Variants in NRCAM observed in about 807,000 individuals in gnomAD.
The protein encoded by NRCAM is neuronal cell adhesion molecule, also known as NgCAM-related cell adhesion molecule.
Under a neutral mutation model 156.5 loss-of-function variants are expected in NRCAM, and 83 were observed. The observed-to-expected ratio is 0.53, with a 90% CI of 0.44 to 0.64. NRCAM has a LOEUF of 0.64. Ranked by LOEUF, NRCAM falls within the 30% of genes least tolerant of loss-of-function variation. The pLI is 0.00. For synonymous variants in NRCAM, 538 were observed against 563.9 expected (o/e 0.95, Z 0.65); for missense variants, 1,417 against 1,597.3 (o/e 0.89, Z 1.92).
chr7:108,191,266 C>G lies in NRCAM; in HGVS notation c.1921G>C (p.Ala641Pro), dbSNP rs532349077. 6 of 1,605,014 alleles carry G rather than the reference C, an allele frequency of 3.7e-6. No individual in the cohort carries two copies. The East Asian group carries it at 1.3e-4, about 36-fold the overall frequency. Reference protein sequence around the residue: ...LSVVAPTPTPAPVYDVPNPPF... With the variant: ...LSVVAPTPTPPPVYDVPNPPF... ...CATATTAGTTTACCGTAAACGGGAG[C>G]TGGAGTTGGAGTAGGAGCTAGAAAG... The change falls in exon 19 of 33, where the codon GCT becomes CCT. Residue 641 changes from alanine to proline, a missense_variant. Coordinates refer to ENST00000379028, the MANE Select transcript of NRCAM (RefSeq NM_001037132.4).
intron 8 of NRCAM, 29 bp downstream of exon 8, chr7:108,230,998 TAAAG>T (rs775203718): frequency 2.0e-6 from 3 of 1,528,982 alleles, no homozygotes; most frequent in South Asian, 2.3e-5. Flanking sequence ...CTAAGACTTT[TAAAG>T]AAAGAAAGTT....
chr7:108,297,844 G>C (rs950133596), intron 3 of NRCAM, among the ~76,000 whole-genome samples: 40 of 152,194 alleles, frequency 2.6e-4, no homozygotes, highest in African/African-American at 9.7e-4. Context: ...TCTTGCCACA[G>C]GTTCAGGAAA....
intron 28 of NRCAM, among the ~76,000 whole-genome samples, chr7:108,168,621 T>C (rs2056460553): frequency 6.6e-6 from 1 of 152,192 alleles, no homozygotes; most frequent in African/African-American, 2.4e-5. Context: ...TGACGCATAA[T>C]ATTAAAATTT....
At chr7:108,215,654 A>G (rs2087950729) in intron 11 of NRCAM, among the ~76,000 whole-genome samples, 1 of 150,512 alleles carries the variant, frequency 6.6e-6, no homozygotes, top group Non-Finnish European at 1.5e-5. Flanking sequence ...TCCCTTTACC[A>G]TTATGTAATA....
chr7:108,162,383 T>A (rs2049692588), intron 30 of NRCAM, among the ~76,000 whole-genome samples: 1 of 152,252 alleles, frequency 6.6e-6, no homozygotes, highest in South Asian at 2.1e-4. Context: ...TCTGTGCTTT[T>A]TCTTCAAAAC....
At chr7:108,154,876 C>T (rs6466219) in intron 32 of NRCAM, among the ~76,000 whole-genome samples, 24,191 of 151,732 alleles carry the variant, frequency 0.16, 2,563 homozygotes, top group African/African-American at 0.31. Flanking sequence ...AACACACACG[C>T]GGAACTTTCC....
At chr7:108,377,833 C>T (rs990115333) in intron 2 of NRCAM, among the ~76,000 whole-genome samples, 1 of 152,092 alleles carries the variant, frequency 6.6e-6, no homozygotes, top group African/African-American at 2.4e-5. Context: ...AAAAGAATAG[C>T]TAAGCTATAA....
Position 108,450,570 on chromosome 7 carries a change from T to C in NRCAM, c.-332+5673A>G, listed in dbSNP as rs534470573. On this transcript the variant is annotated intron_variant, in intron 1 of 32. Coordinates refer to ENST00000379028, the MANE Select transcript of NRCAM (RefSeq NM_001037132.4). Reference sequence around the variant, plus strand: ...TTCTATTTTCAGATATGAGGCAAATTTGCTCTTGTTCTAGATTAAAATAAT... The same window carrying C: ...TTCTATTTTCAGATATGAGGCAAATCTGCTCTTGTTCTAGATTAAAATAAT... 2.0e-5 allele frequency among the ~76,000 whole-genome samples: 3 copies of C among 152,232 alleles called. No individual in the cohort carries two copies. In the South Asian group the frequency reaches 6.2e-4, roughly 32 times the overall value.
At chr7:108,321,176 A>G (rs2098996840) in intron 2 of NRCAM, among the ~76,000 whole-genome samples, 1 of 152,226 alleles carries the variant, frequency 6.6e-6, no homozygotes, top group Non-Finnish European at 1.5e-5. Flanking sequence ...CACTACATTA[A>G]GAATTCAATG....
At chr7:108,346,340 T>C (rs1221174188) in intron 2 of NRCAM, among the ~76,000 whole-genome samples, 5 of 152,212 alleles carry the variant, frequency 3.3e-5, no homozygotes, top group African/African-American at 1.2e-4. Flanking sequence ...CAGGGCTCTT[T>C]TTCCTCCCAA....
intron 3 of NRCAM, among the ~76,000 whole-genome samples, chr7:108,257,887 C>T (rs755176320): frequency 2.6e-5 from 4 of 151,962 alleles, no homozygotes; most frequent in African/African-American, 4.8e-5. Context: ...CAGATGAGAG[C>T]GTTCACACCC....
At chr7:108,196,810 A>T (rs890720824) in intron 14 of NRCAM, among the ~76,000 whole-genome samples, 5 of 152,242 alleles carry the variant, frequency 3.3e-5, no homozygotes, top group African/African-American at 1.2e-4. Context: ...CATTAAAAAT[A>T]CAACTACCAT....
At chr7:108,331,631 T>C (rs2099128188) in intron 2 of NRCAM, among the ~76,000 whole-genome samples, 1 of 152,194 alleles carries the variant, frequency 6.6e-6, no homozygotes, top group African/African-American at 2.4e-5. Flanking sequence ...GCCTGGCACA[T>C]AGCAGATGCT....
chr7:108,230,273 T>A (rs982468620), intron 8 of NRCAM, among the ~76,000 whole-genome samples: 1 of 143,154 alleles, frequency 7.0e-6, no homozygotes, highest in African/African-American at 2.6e-5. Flanking sequence ...CCTCAAAATA[T>A]ATCCAGAATC....
intron 3 of NRCAM, among the ~76,000 whole-genome samples, chr7:108,281,374 G>C (rs985480870): frequency 1.3e-5 from 2 of 152,112 alleles, no homozygotes; most frequent in African/African-American, 4.8e-5. Context: ...AAAAAGTTCC[G>C]TGTATAGTAG....
At chr7:108,201,187 A>AG (rs1205985592) in intron 13 of NRCAM, among the ~76,000 whole-genome samples, 1 of 151,854 alleles carries the variant, frequency 6.6e-6, no homozygotes, top group African/African-American at 2.4e-5. Flanking sequence ...AAAAAAAAAA[A>AG]AAAAAGAAAA....
At chr7:108,233,847 G>T (rs79973530) in intron 6 of NRCAM, among the ~76,000 whole-genome samples, 2 of 152,140 alleles carry the variant, frequency 1.3e-5, no homozygotes, top group Admixed American at 1.3e-4. Context: ...ATATATGACT[G>T]GACATGTTAC....
At chr7:108,347,721 TC>T (rs2099372440) in intron 2 of NRCAM, among the ~76,000 whole-genome samples, 3 of 152,194 alleles carry the variant, frequency 2.0e-5, no homozygotes, top group Admixed American at 2.0e-4. Context: ...TAAGTGAGAA[TC>T]TTTTGCCTAT....
chr7:108,267,414 G>C (rs984915314), intron 3 of NRCAM, among the ~76,000 whole-genome samples: 1 of 152,176 alleles, frequency 6.6e-6, no homozygotes, highest in Non-Finnish European at 1.5e-5. Context: ...CACACTTTCG[G>C]TCAGGGTTCT....
Sources: allele counts gnomAD v4.1 joint callset (sites outside exome capture counted in the v4.1 genomes callset), GRCh38; gene constraint gnomAD v4.1.1; transcripts MANE v1.5; gene names NCBI Gene and HGNC (gene_info 2026-07-23, HGNC 2026-07-21).